Variants in SNX29 observed in about 807,000 individuals in gnomAD.
SNX29 encodes the protein sorting nexin-29.
Under a neutral mutation model 102.1 loss-of-function variants are expected in SNX29, and 78 were observed. That is an observed-to-expected ratio of 0.76 (90% CI 0.64 to 0.92). The LOEUF is 0.92. SNX29 is among the 40% of genes least tolerant of loss of function. The probability of loss-of-function intolerance (pLI) is 0.00; values close to 1 mark genes in which losing one functional copy is unlikely to be tolerated. For synonymous variants in SNX29, 580 were observed against 414.5 expected (o/e 1.40, Z -4.85); for missense variants, 1,280 against 1,061.7 (o/e 1.21, Z -2.86).
intron 18 of SNX29, among the ~76,000 whole-genome samples, chr16:12,454,637 G>C (rs954245528): frequency 3.3e-5 from 5 of 152,348 alleles, no homozygotes; most frequent in African/African-American, 4.8e-5. Flanking sequence ...GCAGGGCCCT[G>C]CAAGCCACGT....
chr16:12,113,326 C>G (rs1454643954), intron 11 of SNX29, among the ~76,000 whole-genome samples: 1 of 152,168 alleles, frequency 6.6e-6, no homozygotes, highest in Non-Finnish European at 1.5e-5. Flanking sequence ...ACATCCATGG[C>G]TGCAAGGGAG....
chr16:12,125,603 CTCTTTTTTTTTTTTTTTTTTTT>C lies in SNX29; in HGVS notation c.1403-1028_1403-1007del, dbSNP rs1456202411. Among the ~76,000 whole-genome samples, 3 of 71,478 alleles carry C rather than the reference CTCTTTTTTTTTTTTTTTTTTTT, an allele frequency of 4.2e-5. 1 individual carries two copies. Among genetic ancestry groups the C allele is most frequent in the East Asian group, 1.1e-3 (2 of 1,806 alleles). The allele number at this position is 71,478 out of a possible 152,430, so 46.9% of individuals were successfully genotyped here. A position where few individuals can be genotyped will look rare whatever the true frequency, so the allele number is the denominator to read the frequency against. On this transcript the variant is annotated intron_variant, in intron 11 of 20. Coordinates refer to ENST00000566228, the MANE Select transcript of SNX29 (RefSeq NM_032167.5). The stretch of plus-strand genomic sequence containing the variant: ...CAAGGGGGGCTTGTGGCTGAGATCT[CTCTTTTTTTTTTTTTTTTTTTT>C]TTTTTTTTTTTTTTTTGAGATGAGG...
rs180686306 is a variant in SNX29 at position 12,058,745 on chromosome 16, C to T, written c.1125-2783C>T. 3.3e-3 allele frequency among the ~76,000 whole-genome samples: 490 copies of T among 149,974 alleles called. 2 individuals carry two copies. Among genetic ancestry groups the T allele is most frequent in the Admixed American group, 6.8e-3 (101 of 14,960 alleles). ...CTGACCTCAGGTGATCTACCCGCCA[C>T]GGCCTCCCAAAGTGTTGGGATTACA... is the stretch of plus-strand genomic sequence containing the variant. On this transcript the variant is annotated intron_variant, in intron 8 of 20. Transcript: ENST00000566228.
intron 11 of SNX29, chr16:12,089,942 C>T: frequency 3.8e-6 from 1 of 264,440 alleles, no homozygotes; most frequent in Non-Finnish European, 7.6e-6. Flanking sequence ...CGGCCATACT[C>T]TCAGGCTGCT....
chr16:12,534,479 C>T (rs529680909), intron 20 of SNX29, among the ~76,000 whole-genome samples: 9 of 152,228 alleles, frequency 5.9e-5, no homozygotes, highest in South Asian at 2.1e-4. Flanking sequence ...TTTTTGTTTT[C>T]GGGGTTTGTT....
chr16:12,536,737 G>A (rs952479192), intron 20 of SNX29, among the ~76,000 whole-genome samples: 2 of 152,188 alleles, frequency 1.3e-5, no homozygotes, highest in African/African-American at 2.4e-5. Context: ...CAACACTTTG[G>A]GAGGTCAAGG....
At chr16:12,141,667 C>T (rs1054054665) in intron 13 of SNX29, among the ~76,000 whole-genome samples, 14 of 152,336 alleles carry the variant, frequency 9.2e-5, no homozygotes, top group Admixed American at 5.2e-4. Flanking sequence ...CGGACATTGC[C>T]GTGGCATTTG....
In SNX29 at chr16:12,469,658, C is replaced by T. The variant is rs1369859602; in HGVS notation, c.2038-8061C>T. On this transcript the variant is annotated intron_variant, in intron 18 of 20. Transcript: ENST00000566228. Reference sequence around the variant, plus strand: ...CCGGTGCTAGTTCCGCTGCTCACTCCTCGGGCAATAGAGAGCGCATTTCTT... The same window carrying T: ...CCGGTGCTAGTTCCGCTGCTCACTCTTCGGGCAATAGAGAGCGCATTTCTT... 3.3e-5 allele frequency among the ~76,000 whole-genome samples: 5 copies of T among 152,166 alleles called. No homozygotes were observed. The East Asian group carries it at 7.7e-4, about 23-fold the overall frequency.
intron 15 of SNX29, among the ~76,000 whole-genome samples, chr16:12,283,784 A>T (rs1037246281): frequency 6.6e-6 from 1 of 152,248 alleles, no homozygotes; most frequent in South Asian, 2.1e-4. Flanking sequence ...GTCAGGACAG[A>T]TAATTGAAGT....
chr16:12,245,768 C>T (rs2078241975), intron 14 of SNX29, among the ~76,000 whole-genome samples: 1 of 151,998 alleles, frequency 6.6e-6, no homozygotes, highest in Non-Finnish European at 1.5e-5. Context: ...GTGTTGGCAG[C>T]TCTGGGGCAG....
chr16:12,114,387 C>G (rs2053612267), intron 11 of SNX29, among the ~76,000 whole-genome samples: 1 of 152,070 alleles, frequency 6.6e-6, no homozygotes, highest in Admixed American at 6.6e-5. Flanking sequence ...TTGCCCCAAT[C>G]CTGTTGAGGC....
intron 14 of SNX29, among the ~76,000 whole-genome samples, chr16:12,207,665 G>A (rs187012248): frequency 6.6e-6 from 1 of 152,034 alleles, no homozygotes; most frequent in Admixed American, 6.6e-5. Context: ...TAGAAACTCC[G>A]CTTCCCTTAT....
At chr16:12,526,761 A>G (rs2076794972) in intron 20 of SNX29, 1 of 430,730 alleles carries the variant, frequency 2.3e-6, no homozygotes, top group Non-Finnish European at 4.4e-6. Flanking sequence ...GCGCTGCCCC[A>G]TCCGCAAGTC....
chr16:12,024,285 T>G (rs1291736057), intron 3 of SNX29, among the ~76,000 whole-genome samples: 1 of 152,114 alleles, frequency 6.6e-6, no homozygotes, highest in East Asian at 1.9e-4. Flanking sequence ...ATTATAAGCA[T>G]GTGCCGCCAC....
chr16:12,514,458 T>G (rs760540147), intron 19 of SNX29, among the ~76,000 whole-genome samples: 1 of 152,172 alleles, frequency 6.6e-6, no homozygotes, highest in Non-Finnish European at 1.5e-5. Flanking sequence ...GGGCACTGGC[T>G]CAGGAATCAG....
In SNX29 at chr16:12,569,479, C is replaced by T; in HGVS notation, c.*850C>T. On this transcript the variant is annotated 3_prime_UTR_variant, in exon 21 of 21. Transcript: ENST00000566228. ...TCATGAGAGACTTGGGTCAGGGAACCACTGCAGAAGGTTCCAGGGTTTTCA... is the reference window on the plus strand; with the variant it reads ...TCATGAGAGACTTGGGTCAGGGAACTACTGCAGAAGGTTCCAGGGTTTTCA... The T allele has an allele frequency of 4.3e-6, 1 of 231,536 alleles. No homozygotes were observed. The highest frequency in any genetic ancestry group is 8.5e-6 in the Non-Finnish European group (1 of 116,992). The allele number at this position is 231,536 out of a possible 1,614,324, so 14.3% of individuals were successfully genotyped here.
chr16:12,175,097 GT>G (rs2076231036), intron 13 of SNX29, among the ~76,000 whole-genome samples: 3 of 152,136 alleles, frequency 2.0e-5, no homozygotes, highest in African/African-American at 7.2e-5. Context: ...GGATTATTCT[GT>G]TTTTAGGGTT....
intron 20 of SNX29, among the ~76,000 whole-genome samples, chr16:12,559,911 G>A (rs1353172485): frequency 6.6e-6 from 1 of 152,158 alleles, no homozygotes; most frequent in Admixed American, 6.5e-5. Flanking sequence ...TGCAGGAGGT[G>A]GAGCTTGCAG....
chr16:12,389,082 T>C (rs1278551290), intron 16 of SNX29, among the ~76,000 whole-genome samples: 1 of 152,184 alleles, frequency 6.6e-6, no homozygotes, highest in African/African-American at 2.4e-5. Context: ...TCCTTGGGAT[T>C]GTAGCGTATC....
Sources: allele counts gnomAD v4.1 joint callset (sites outside exome capture counted in the v4.1 genomes callset), GRCh38; gene constraint gnomAD v4.1.1; transcripts MANE v1.5; gene names NCBI Gene and HGNC (gene_info 2026-07-23, HGNC 2026-07-21).